Variants in SIPA1L2 observed in about 807,000 individuals in gnomAD.
SIPA1L2 encodes signal-induced proliferation-associated 1-like protein 2.
Under a neutral mutation model 163.9 loss-of-function variants are expected in SIPA1L2, and 56 were observed. The ratio of observed to expected loss-of-function variants is 0.34; its 90% CI spans 0.28 to 0.43. SIPA1L2 has a LOEUF of 0.43. Among genes scored for constraint, SIPA1L2 ranks in the 20% least tolerant of loss-of-function variants. The pLI is 1.00. For missense variants in SIPA1L2, 1,974 were observed against 2,193.5 expected (o/e 0.90, Z 2.00); for synonymous variants, 877 against 865.7 (o/e 1.01, Z -0.23).
chr1:232,422,985 T>C (rs921589117), intron 18 of SIPA1L2, among the ~76,000 whole-genome samples: 1 of 152,200 alleles, frequency 6.6e-6, no homozygotes, highest in Admixed American at 6.5e-5. Context: ...ACATACTCGG[T>C]AGAAATCATA....
At chr1:232,609,954 G>A (rs10910574) in intron 1 of SIPA1L2, among the ~76,000 whole-genome samples, 30,489 of 151,860 alleles carry the variant, frequency 0.2, 3,775 homozygotes, top group African/African-American at 0.36. Context: ...ATTTAAAATG[G>A]AGACCCGATC....
chr1:232,584,244 T>A (rs1431984982), intron 1 of SIPA1L2, among the ~76,000 whole-genome samples: 2 of 152,128 alleles, frequency 1.3e-5, no homozygotes, highest in Non-Finnish European at 2.9e-5. Flanking sequence ...TTTTTTTTTT[T>A]AGACGGAGTC....
At chr1:232,618,846 G>A (rs549739111) in intron 1 of SIPA1L2, among the ~76,000 whole-genome samples, 51 of 151,926 alleles carry the variant, frequency 3.4e-4, no homozygotes, top group African/African-American at 9.2e-4. Context: ...ATACCAAAAC[G>A]TCATTTATAT....
chr1:232,571,423 C>A (rs902265545), intron 2 of SIPA1L2, among the ~76,000 whole-genome samples: 1 of 152,118 alleles, frequency 6.6e-6, no homozygotes, highest in African/African-American at 2.4e-5. Flanking sequence ...ACAGTGATTG[C>A]CTTTGGGGAA....
chr1:232,598,999 AT>A (rs11326100), intron 1 of SIPA1L2, among the ~76,000 whole-genome samples: 86,944 of 150,110 alleles, frequency 0.58, 26,277 homozygotes, highest in East Asian at 0.76. Context: ...AAATCCTGCG[AT>A]TTTTTAGCCA....
intron 19 of SIPA1L2, among the ~76,000 whole-genome samples, chr1:232,409,110 A>C (rs1054550124): frequency 6.6e-6 from 1 of 152,174 alleles, no homozygotes; most frequent in Non-Finnish European, 1.5e-5. Context: ...TGCTGTTTTA[A>C]TTATTATTAA....
chr1:232,569,882 G>A (rs971071782), intron 2 of SIPA1L2, among the ~76,000 whole-genome samples: 2 of 152,118 alleles, frequency 1.3e-5, no homozygotes, highest in African/African-American at 4.8e-5. Context: ...AATTCTACTG[G>A]CCTTACGAAA....
rs1660135421 is a variant in SIPA1L2 at position 232,398,208 on chromosome 1, A to C, written c.*919T>G. 1 of 152,622 alleles carries C rather than the reference A, an allele frequency of 6.6e-6. No homozygotes were observed. The highest frequency in any genetic ancestry group is 6.5e-5 in the Admixed American group (1 of 15,276). The allele number at this position is 152,622 out of a possible 1,614,324, so 9.5% of individuals were successfully genotyped here. ...CAAATTTTATAAAATTAACAATTTA[A>C]GGTTAAATAAGCTTAAATAAGGGTG... On this transcript the variant is annotated 3_prime_UTR_variant, in exon 23 of 23. Coordinates refer to ENST00000674635, the MANE Select transcript of SIPA1L2 (RefSeq NM_020808.5).
chr1:232,493,721 A>T, intron 3 of SIPA1L2, 61 bp from the exon 4 acceptor site: 3 of 1,592,232 alleles, frequency 1.9e-6, no homozygotes, highest in Non-Finnish European at 2.6e-6. Context: ...AGCAGGATGG[A>T]TATCTCTCAG....
intron 18 of SIPA1L2, among the ~76,000 whole-genome samples, chr1:232,416,163 C>T (rs1012234036): frequency 5.9e-5 from 9 of 152,058 alleles, no homozygotes; most frequent in Admixed American, 2.6e-4. Flanking sequence ...GTCAGTCAGT[C>T]GGAGCACAGC....
intron 4 of SIPA1L2, among the ~76,000 whole-genome samples, chr1:232,492,810 C>T (rs889275263): frequency 2.6e-5 from 4 of 152,090 alleles, no homozygotes; most frequent in Non-Finnish European, 5.9e-5. Flanking sequence ...GGCTCATCAA[C>T]GGAAGGGACT....
intron 1 of SIPA1L2, among the ~76,000 whole-genome samples, chr1:232,591,779 G>A (rs11805493): frequency 0.16 from 24,703 of 152,208 alleles, 2,148 homozygotes; most frequent in Middle Eastern, 0.25. Context: ...TCCTGACCAA[G>A]GAGTCAGTGA....
At chr1:232,501,276 A>G (rs1212650017) in intron 3 of SIPA1L2, among the ~76,000 whole-genome samples, 2 of 152,036 alleles carry the variant, frequency 1.3e-5, no homozygotes, top group Non-Finnish European at 2.9e-5. Context: ...TAGATATAGC[A>G]CTATCTGCAT....
Position 232,514,480 on chromosome 1 carries a change from A to C in SIPA1L2, c.860T>G (p.Val287Gly), listed in dbSNP as rs760176296. The change falls in exon 3 of 23, where the codon GTG becomes GGG. Residue 287 changes from valine to glycine, a missense_variant. Around this residue, in one of 3 missense-constraint regions of SIPA1L2, gnomAD observed 607 missense variants for 624.0 expected, o/e 0.97. Coordinates refer to ENST00000674635, the MANE Select transcript of SIPA1L2 (RefSeq NM_020808.5). ...AAGCTTTCGGAAGAGAGATGTTTCC[A>C]CCGACTCTGATTTCAACCTCCGTTT... Reference protein sequence around the residue: ...PFKRRLKSESVETSLFRKLRT... With the variant: ...PFKRRLKSESGETSLFRKLRT... The C allele has an allele frequency of 3.1e-6, 5 of 1,614,056 alleles. No homozygotes were observed. The highest frequency in any genetic ancestry group is 3.4e-6 in the Non-Finnish European group (4 of 1,180,036).
At chr1:232,565,063 A>G (rs777332744) in intron 2 of SIPA1L2, among the ~76,000 whole-genome samples, 6 of 152,222 alleles carry the variant, frequency 3.9e-5, no homozygotes, top group Non-Finnish European at 8.8e-5. Context: ...ATTTAAAGTA[A>G]ATAAATTGAT....
chr1:232,414,908 A>G (rs2102777301), intron 19 of SIPA1L2, among the ~76,000 whole-genome samples: 1 of 152,280 alleles, frequency 6.6e-6, no homozygotes, highest in East Asian at 1.9e-4. Context: ...GCCTCAACCA[A>G]AAATGACAGA....
rs541128543 is a variant in SIPA1L2, at chr1:232,504,475, T to A, written c.1483+9382A>T. 8.6e-5 allele frequency among the ~76,000 whole-genome samples: 13 copies of A among 152,004 alleles called. No homozygotes were observed. The East Asian group carries it at 2.5e-3, about 29-fold the overall frequency. The stretch of plus-strand genomic sequence containing the variant: ...AGTGCATGAACCTGGGAGGTTGAGG[T>A]TGCAGTGAGCCGAGATCGTGCCACT... On this transcript the variant is annotated intron_variant, in intron 3 of 22. Coordinates refer to ENST00000674635, the MANE Select transcript of SIPA1L2 (RefSeq NM_020808.5).
At chr1:232,519,559 C>T (rs895066627) in intron 2 of SIPA1L2, among the ~76,000 whole-genome samples, 1 of 152,156 alleles carries the variant, frequency 6.6e-6, no homozygotes, top group Non-Finnish European at 1.5e-5. Flanking sequence ...CCTTCTTCTT[C>T]GTGAGCAGCT....
intron 1 of SIPA1L2, among the ~76,000 whole-genome samples, chr1:232,578,209 G>A (rs1203142686): frequency 6.6e-6 from 1 of 151,934 alleles, no homozygotes; most frequent in Non-Finnish European, 1.5e-5. Context: ...TAATGCTACT[G>A]CATACCTAAT....
Sources: allele counts gnomAD v4.1 joint callset (sites outside exome capture counted in the v4.1 genomes callset), GRCh38; gene constraint gnomAD v4.1.1; regional missense constraint gnomAD v4.1.1; transcripts MANE v1.5; gene names NCBI Gene and HGNC (gene_info 2026-07-23, HGNC 2026-07-21).